The following SLC12A7 variants were observed in gnomAD, a reference collection of about 807,000 sequenced individuals.
The protein encoded by SLC12A7 is solute carrier family 12 member 7.
Under a neutral mutation model 120.6 loss-of-function variants are expected in SLC12A7, and 100 were observed. The ratio of observed to expected loss-of-function variants is 0.83; its 90% CI spans 0.71 to 0.98. The LOEUF (loss-of-function observed/expected upper bound fraction) is 0.98, where lower values mean the gene tolerates loss of function less well. Ranked by LOEUF, SLC12A7 falls within the 50% of genes least tolerant of loss-of-function variation. The probability of loss-of-function intolerance (pLI) is 0.00; values close to 1 mark genes in which losing one functional copy is unlikely to be tolerated. For synonymous variants in SLC12A7, 760 were observed against 678.0 expected, an observed-to-expected ratio of 1.12 and a Z score of -1.88; for missense variants, 1,373 against 1,548.1, an observed-to-expected ratio of 0.89 and a Z score of 1.90.
the SLC12A7 span, among the ~76,000 whole-genome samples, chr5:1,123,610 G>A: frequency 2.4e-4 from 36 of 152,360 alleles, no homozygotes; most frequent in African/African-American, 8.4e-4. Context: ...AGAGACCGCC[G>A]CACAGAAGTG....
the SLC12A7 span, among the ~76,000 whole-genome samples, chr5:1,136,967 CAT>C: frequency 5.3e-5 from 8 of 150,646 alleles, no homozygotes; most frequent in African/African-American, 1.7e-4. Flanking sequence ...GACACACACA[CAT>C]GTACTCACAC....
At chr5:1,124,267 AT>A in the SLC12A7 span, among the ~76,000 whole-genome samples, 1 of 152,172 alleles carries the variant, frequency 6.6e-6, no homozygotes, top group South Asian at 2.1e-4. Flanking sequence ...AGACCACCTA[AT>A]CCCTCACTGT....
chr5:1,141,736 C>T, the SLC12A7 span, among the ~76,000 whole-genome samples: 20,765 of 152,242 alleles, frequency 0.14, 1,567 homozygotes, highest in Middle Eastern at 0.22. Context: ...CCGGTGGCTG[C>T]TGCATAGGAC....
rs1204018162 is a variant in SLC12A7 at position 1,088,371 on chromosome 5, A to G, written c.490-11T>C. The stretch of plus-strand genomic sequence containing the variant: ...GGCGGTCAGCATTGTCTGCAAAAAG[A>G]CAGGCAGCCATCTGAGGAGAGTTTT... On this transcript the variant is annotated splice_polypyrimidine_tract_variant and intron_variant, in intron 4 of 23. Transcript: ENST00000264930. The G allele has an allele frequency of 6.4e-7, 1 of 1,570,744 alleles. No individual in the cohort carries two copies. Among genetic ancestry groups the G allele is most frequent in the Non-Finnish European group, 8.6e-7 (1 of 1,157,718 alleles).
At chr5:1,094,033 T>G in intron 2 of SLC12A7, 121 bp downstream of exon 2, 1 of 724,924 alleles carries the variant, frequency 1.4e-6, no homozygotes, top group African/African-American at 1.8e-5. Flanking sequence ...AGGCCCCAGT[T>G]CCTTCCACGT....
chr5:1,086,369 G>A (rs1446530269), intron 6 of SLC12A7, among the ~76,000 whole-genome samples: 7 of 152,172 alleles, frequency 4.6e-5, no homozygotes, highest in Non-Finnish European at 8.8e-5. Flanking sequence ...AGAGAAGGGC[G>A]GTTCCCGTCC....
At chr5:1,102,070 C>G (rs2150901061) in intron 1 of SLC12A7, among the ~76,000 whole-genome samples, 1 of 152,342 alleles carries the variant, frequency 6.6e-6, no homozygotes, top group East Asian at 1.9e-4. Flanking sequence ...TAAGCAGATC[C>G]TGATGGGCTG....
At chr5:1,106,726 G>A (rs1233214945) in intron 1 of SLC12A7, among the ~76,000 whole-genome samples, 1 of 152,202 alleles carries the variant, frequency 6.6e-6, no homozygotes. Flanking sequence ...AGGATCTCGG[G>A]ACCCAAACAC....
intron 22 of SLC12A7, chr5:1,056,737 C>G (rs1735655172): frequency 4.5e-6 from 1 of 220,126 alleles, no homozygotes; most frequent in Non-Finnish European, 7.7e-6. Context: ...TCCTGAGAAC[C>G]TGGCTTTAGG....
At chr5:1,068,037 C>A (rs971040379) in intron 17 of SLC12A7, among the ~76,000 whole-genome samples, 3 of 152,232 alleles carry the variant, frequency 2.0e-5, no homozygotes, top group Non-Finnish European at 4.4e-5. Flanking sequence ...CCTTTTATGC[C>A]AATCAGTGCC....
At chr5:1,068,027 C>G (rs1737244526) in intron 17 of SLC12A7, among the ~76,000 whole-genome samples, 1 of 152,220 alleles carries the variant, frequency 6.6e-6, no homozygotes, top group African/African-American at 2.4e-5. Context: ...CCTTAGGACC[C>G]CTTTTATGCC....
chr5:1,152,248 G>A, the SLC12A7 span, among the ~76,000 whole-genome samples: 6 of 152,106 alleles, frequency 3.9e-5, 1 homozygote, highest in Non-Finnish European at 8.8e-5. Context: ...CTGCACACCC[G>A]GCCACCCACC....
At chr5:1,154,355 A>G in the SLC12A7 span, among the ~76,000 whole-genome samples, 6 of 6,744 alleles carry the variant, frequency 8.9e-4, no homozygotes, top group African/African-American at 1.7e-3. Flanking sequence ...GGTGTCCGCA[A>G]CACACACACA....
chr5:1,068,662 G>A (rs181880813), intron 17 of SLC12A7, among the ~76,000 whole-genome samples: 5 of 152,302 alleles, frequency 3.3e-5, no homozygotes, highest in Non-Finnish European at 7.3e-5. Context: ...GGGTGCGCTC[G>A]TCCTCCCGTC....
Position 1,050,656 on chromosome 5 carries a change from G to C in SLC12A7, c.*1704C>G, listed in dbSNP as rs889277539. ...CGTTCAGAGCCAGCACCATGTGGCC[G>C]CTGTGCCTCTAGCCTGCTCTCCTCC... On this transcript the variant is annotated 3_prime_UTR_variant, in exon 24 of 24. Transcript: ENST00000264930. 20 of 388,334 alleles carry C rather than the reference G, an allele frequency of 5.2e-5. No individual in the cohort carries two copies. Among genetic ancestry groups the C allele is most frequent in the Non-Finnish European group, 8.6e-5 (19 of 220,224 alleles). 24.1% of individuals were successfully genotyped at this position (388,334 alleles called of 1,614,324 possible).
At chr5:1,092,893 G>A (rs1740679188) in intron 3 of SLC12A7, among the ~76,000 whole-genome samples, 1 of 152,174 alleles carries the variant, frequency 6.6e-6, no homozygotes, top group African/African-American at 2.4e-5. Context: ...TCGCCTGTGA[G>A]CGTCACCTCA....
At chr5:1,057,280 C>T (rs1404593250) in intron 22 of SLC12A7, 191 bp downstream of exon 22, 1 of 591,824 alleles carries the variant, frequency 1.7e-6, no homozygotes, top group Admixed American at 3.3e-5. Context: ...CAGGGCTGAA[C>T]TCAGGGCCCG....
Position 1,065,448 on chromosome 5 carries a change from T to C in SLC12A7, c.2272A>G (p.Thr758Ala). 1 of 1,609,198 alleles carries C rather than the reference T, an allele frequency of 6.2e-7. No individual in the cohort carries two copies. Among genetic ancestry groups the C allele is most frequent in the Non-Finnish European group, 8.5e-7 (1 of 1,177,824 alleles). ...ACCACCAGCTGGCAGAAGCCCTTGG[T>C]CTTCTCTGTGCTCATTAGGGACCGT... ...NIRSLMSTEK[T>A]KGFCQLVVSS... Residue 758 changes from threonine (T) to alanine (A), a missense_variant, in exon 18 of 24, where the codon ACC (threonine) becomes GCC (alanine). Coordinates refer to ENST00000264930, the MANE Select transcript of SLC12A7 (RefSeq NM_006598.3).
chr5:1,062,556 C>T (rs1025573214), intron 20 of SLC12A7, among the ~76,000 whole-genome samples: 3 of 152,192 alleles, frequency 2.0e-5, no homozygotes, highest in Non-Finnish European at 2.9e-5. Context: ...CTGAGTTCCA[C>T]GGGAACTGAC....
Sources: allele counts gnomAD v4.1 joint callset (sites outside exome capture counted in the v4.1 genomes callset), GRCh38; gene constraint gnomAD v4.1.1; transcripts MANE v1.5; gene names NCBI Gene and HGNC (gene_info 2026-07-23, HGNC 2026-07-21).